Variants in TBCK observed in about 807,000 individuals in gnomAD.
TBCK encodes the protein TBC1 domain containing kinase, also known as TBC domain-containing protein kinase-like protein.
A neutral mutation model predicts 113.4 loss-of-function variants in TBCK; 99 were observed. That is an observed-to-expected ratio of 0.87 (90% CI 0.74 to 1.03). TBCK has a LOEUF of 1.03. Among genes scored for constraint, TBCK ranks in the 50% least tolerant of loss-of-function variants. The probability of loss-of-function intolerance (pLI) is 0.00; values close to 1 mark genes in which losing one functional copy is unlikely to be tolerated. For synonymous variants in TBCK, 369 were observed against 370.8 expected, an observed-to-expected ratio of 1.00 and a Z score of 0.05; for missense variants, 1,045 against 1,061.3, an observed-to-expected ratio of 0.98 and a Z score of 0.21.
At chr4:106,288,941 A>G (rs1765394342) in intron 3 of TBCK, among the ~76,000 whole-genome samples, 1 of 152,254 alleles carries the variant, frequency 6.6e-6, no homozygotes, top group Non-Finnish European at 1.5e-5. Flanking sequence ...ACATAAATGA[A>G]GTTCGTGTTT....
chr4:106,081,767 A>C (rs754197795), intron 25 of TBCK, among the ~76,000 whole-genome samples: 1 of 152,216 alleles, frequency 6.6e-6, no homozygotes, highest in Non-Finnish European at 1.5e-5. Context: ...CAAAAAACAA[A>C]TATCCCAGTT....
intron 23 of TBCK, among the ~76,000 whole-genome samples, chr4:106,146,923 T>C (rs1378797020): frequency 6.6e-6 from 1 of 152,240 alleles, no homozygotes; most frequent in Non-Finnish European, 1.5e-5. Flanking sequence ...TAAGTTTACA[T>C]AATATTCTAA....
intron 3 of TBCK, among the ~76,000 whole-genome samples, chr4:106,290,472 G>A (rs934670449): frequency 5.9e-5 from 9 of 152,052 alleles, no homozygotes; most frequent in East Asian, 1.9e-4. Flanking sequence ...CACCACACCC[G>A]GCCGGAATAA....
chr4:106,247,356 T>C, intron 9 of TBCK, 69 bp from the exon 10 acceptor site: 1 of 1,438,158 alleles, frequency 7.0e-7, no homozygotes, highest in African/African-American at 1.4e-5. Flanking sequence ...ATGGCATACA[T>C]TCAAGAGAAT....
At chr4:106,254,173 A>C (rs1761731002) in intron 5 of TBCK, among the ~76,000 whole-genome samples, 1 of 152,156 alleles carries the variant, frequency 6.6e-6, no homozygotes, top group Admixed American at 6.5e-5. Context: ...GGGACTTGTC[A>C]CACAGGCACT....
At chr4:106,146,647 C>T (rs907860873) in intron 23 of TBCK, among the ~76,000 whole-genome samples, 1 of 152,184 alleles carries the variant, frequency 6.6e-6, no homozygotes, top group African/African-American at 2.4e-5. Flanking sequence ...AAGCCCCCAG[C>T]AAGTCATAAT....
intron 25 of TBCK, 70 bp from the exon 26 acceptor site, chr4:106,046,750 A>T: frequency 4.3e-6 from 3 of 697,954 alleles, no homozygotes; most frequent in Non-Finnish European, 7.2e-6. Context: ...GTTTTTTCTC[A>T]GAATTTGAAA....
chr4:106,230,551 A>C (rs1175513981), intron 18 of TBCK, 105 bp from the exon 19 acceptor site: 1 of 515,786 alleles, frequency 1.9e-6, no homozygotes, highest in Non-Finnish European at 3.3e-6. Context: ...ACTATTAAAT[A>C]ACAGTTATGA....
At chr4:106,260,411 C>T in intron 5 of TBCK, 26 bp downstream of exon 5, 1 of 1,026,840 alleles carries the variant, frequency 9.7e-7, no homozygotes, top group Non-Finnish European at 1.3e-6. Flanking sequence ...AAAAGAAACT[C>T]AAAATAGAGG....
chr4:106,098,287 A>C lies in TBCK; in HGVS notation c.2412-2646T>G, dbSNP rs773955697. On this transcript the variant is annotated intron_variant, in intron 24 of 25. Coordinates refer to ENST00000394708, the MANE Select transcript of TBCK (RefSeq NM_001163435.3). ...AGGTTCTATAATGAGTGTAATACTC[A>C]ACAGTCAGTCACTATGCTATTTTAT... Among the ~76,000 whole-genome samples, 48 of 152,112 alleles carry C rather than the reference A, an allele frequency of 3.2e-4. 1 individual carries two copies. The highest frequency in any genetic ancestry group is 4.4e-5 in the Non-Finnish European group (3 of 67,950).
At chr4:106,121,532 C>A (rs1005491510) in intron 23 of TBCK, among the ~76,000 whole-genome samples, 2 of 151,634 alleles carry the variant, frequency 1.3e-5, no homozygotes, top group Non-Finnish European at 2.9e-5. Flanking sequence ...ACCTAATAGA[C>A]ATCTACAGAA....
At chr4:106,269,395 TTTTAA>T (rs1245621007) in intron 3 of TBCK, among the ~76,000 whole-genome samples, 5 of 151,246 alleles carry the variant, frequency 3.3e-5, no homozygotes, top group East Asian at 1.9e-4. Flanking sequence ...TCTTTGAGGC[TTTTAA>T]TTTGACACTT....
At chr4:106,074,903 G>C (rs764200302) in intron 25 of TBCK, among the ~76,000 whole-genome samples, 1 of 152,176 alleles carries the variant, frequency 6.6e-6, no homozygotes, top group Non-Finnish European at 1.5e-5. Context: ...TGGAGGGAAG[G>C]GCACAGCAGG....
intron 25 of TBCK, among the ~76,000 whole-genome samples, chr4:106,079,724 T>C (rs1382155444): frequency 6.6e-6 from 1 of 152,202 alleles, no homozygotes; most frequent in Admixed American, 6.5e-5. Flanking sequence ...TGTTCTTGCA[T>C]TGTTATAAAT....
At chr4:106,100,875 C>A (rs1741469892) in intron 24 of TBCK, among the ~76,000 whole-genome samples, 1 of 152,162 alleles carries the variant, frequency 6.6e-6, no homozygotes, top group Non-Finnish European at 1.5e-5. Flanking sequence ...GTGTCTGTCT[C>A]ACCTTCTCTG....
chr4:106,074,213 G>C (rs1699872925), intron 25 of TBCK, among the ~76,000 whole-genome samples: 1 of 152,136 alleles, frequency 6.6e-6, no homozygotes, highest in African/African-American at 2.4e-5. Flanking sequence ...GGGAGCTGCA[G>C]ACCAGAGCTG....
chr4:106,048,327 C>T (rs1734439854), intron 25 of TBCK, among the ~76,000 whole-genome samples: 1 of 152,050 alleles, frequency 6.6e-6, no homozygotes, highest in Non-Finnish European at 1.5e-5. Flanking sequence ...CTCTGTGATT[C>T]TCTGCAGTGG....
At chr4:106,105,093 G>A (rs1049116233) in intron 24 of TBCK, among the ~76,000 whole-genome samples, 2 of 152,210 alleles carry the variant, frequency 1.3e-5, no homozygotes, top group Non-Finnish European at 2.9e-5. Flanking sequence ...CAGTGGAACT[G>A]CCCTAGCCAC....
chr4:106,185,072 G>A (rs1487203739), intron 22 of TBCK, among the ~76,000 whole-genome samples: 1 of 151,956 alleles, frequency 6.6e-6, no homozygotes, highest in East Asian at 1.9e-4. Flanking sequence ...CAAAACAGGA[G>A]TCTTTGATTT....
Sources: gnomAD v4.1 joint callset for allele counts (sites outside exome capture counted in the v4.1 genomes callset) on GRCh38, gnomAD v4.1.1 for gene constraint, MANE v1.5 for transcripts, NCBI Gene and HGNC (gene_info 2026-07-23, HGNC 2026-07-21) for gene names.